Variants in COL8A1 observed in about 807,000 individuals in gnomAD.
The protein encoded by COL8A1 is collagen type VIII alpha 1 chain, also known as collagen alpha-1(VIII) chain.
In COL8A1, 21 loss-of-function variants were observed where a neutral mutation model predicts 42.7. That is an observed-to-expected ratio of 0.49 (90% CI 0.35 to 0.71). The LOEUF is 0.71. COL8A1 is among the 30% of genes least tolerant of loss of function. The pLI is 0.01. For synonymous variants in COL8A1, 367 were observed against 369.1 expected, an observed-to-expected ratio of 0.99 and a Z score of 0.06; for missense variants, 788 against 962.4, an observed-to-expected ratio of 0.82 and a Z score of 2.40.
At chr3:99,777,549 T>G (rs1348679754) in intron 2 of COL8A1, among the ~76,000 whole-genome samples, 1 of 152,206 alleles carries the variant, frequency 6.6e-6, no homozygotes, top group African/African-American at 2.4e-5. Context: ...TTCTGGTATT[T>G]AAAGGAATAC....
rs1576467519 is a variant in COL8A1, at chr3:99,763,550, A to G, written c.-4+18529A>G. The stretch of plus-strand genomic sequence containing the variant: ...TGCATATACTTATTTAATCTGCATT[A>G]AAGTCCTATGAGGTCGGTATTATTA... On this transcript the variant is annotated intron_variant, in intron 2 of 3. Coordinates refer to ENST00000652472, the MANE Select transcript of COL8A1 (RefSeq NM_020351.4). Among the ~76,000 whole-genome samples, 4 of 152,312 alleles carry G rather than the reference A, an allele frequency of 2.6e-5. No individual in the cohort carries two copies. The South Asian group carries it at 6.2e-4, about 24-fold the overall frequency.
intron 1 of COL8A1, among the ~76,000 whole-genome samples, chr3:99,682,338 G>T (rs750859545): frequency 6.6e-6 from 1 of 152,102 alleles, no homozygotes; most frequent in Non-Finnish European, 1.5e-5. Context: ...AATGGCTTGA[G>T]CCCTGGGTGG....
At chr3:99,687,002 C>T (rs185725352) in intron 1 of COL8A1, among the ~76,000 whole-genome samples, 54 of 152,292 alleles carry the variant, frequency 3.5e-4, no homozygotes, top group African/African-American at 1.1e-3. Flanking sequence ...GCCATTACAC[C>T]CAGCCAATTT....
chr3:99,786,640 T>C (rs1941902203), intron 2 of COL8A1, among the ~76,000 whole-genome samples: 1 of 152,202 alleles, frequency 6.6e-6, no homozygotes, highest in Non-Finnish European at 1.5e-5. Context: ...TCTCAAATTA[T>C]AAAATGTATT....
intron 1 of COL8A1, among the ~76,000 whole-genome samples, chr3:99,709,498 A>C (rs1252151839): frequency 6.6e-6 from 1 of 152,172 alleles, no homozygotes; most frequent in Non-Finnish European, 1.5e-5. Context: ...GTGCTCAATA[A>C]ATATTTATTG....
At chr3:99,645,235 G>A (rs977168077) in intron 1 of COL8A1, among the ~76,000 whole-genome samples, 8 of 152,156 alleles carry the variant, frequency 5.3e-5, no homozygotes, top group African/African-American at 1.9e-4. Context: ...CAGTCTTAAA[G>A]TCCAGGAGTC....
chr3:99,736,038 CTCT>C (rs1293999923), intron 1 of COL8A1, among the ~76,000 whole-genome samples: 1 of 114,924 alleles, frequency 8.7e-6, no homozygotes, highest in African/African-American at 3.2e-5. Context: ...TGATTCTTCT[CTCT>C]TTTTTTCTTT....
At chr3:99,757,008 G>C (rs913214182) in intron 2 of COL8A1, among the ~76,000 whole-genome samples, 5 of 152,108 alleles carry the variant, frequency 3.3e-5, no homozygotes, top group Admixed American at 3.3e-4. Context: ...CATTTTTGTA[G>C]ATGAAGAAGA....
At chr3:99,741,760 A>C (rs930150811) in intron 1 of COL8A1, among the ~76,000 whole-genome samples, 1 of 152,200 alleles carries the variant, frequency 6.6e-6, no homozygotes, top group Admixed American at 6.5e-5. Context: ...CCAGCAAAAA[A>C]GGTCAGCCTC....
chr3:99,781,401 G>A (rs2107447576), intron 2 of COL8A1, among the ~76,000 whole-genome samples: 1 of 152,230 alleles, frequency 6.6e-6, no homozygotes, highest in African/African-American at 2.4e-5. Context: ...TTCTCCCCAT[G>A]TAAGATAGAA....
At position 99,797,962 on chromosome 3, in the gene COL8A1, G is replaced by A. The variant is rs890342243; in HGVS notation, c.*1826G>A. ...TCGAGCCTGCTATTAGCCTGCTGCTGACTCTATCACTTGGAGCAATAATGT... is the reference window on the plus strand; with the variant it reads ...TCGAGCCTGCTATTAGCCTGCTGCTAACTCTATCACTTGGAGCAATAATGT... On this transcript the variant is annotated 3_prime_UTR_variant, in exon 4 of 4. Transcript: ENST00000652472. The A allele has an allele frequency of 5.3e-5, 8 of 152,320 alleles. No homozygotes were observed. In the East Asian group the frequency reaches 1.2e-3, roughly 22 times the overall value. The allele number at this position is 152,320 out of a possible 1,614,324, so 9.4% of individuals were successfully genotyped here.
intron 1 of COL8A1, among the ~76,000 whole-genome samples, chr3:99,655,257 T>C (rs777670754): frequency 1.3e-5 from 2 of 152,166 alleles, no homozygotes; most frequent in Non-Finnish European, 2.9e-5. Flanking sequence ...GGATAACTAA[T>C]TCAAGACCCA....
chr3:99,732,984 A>G (rs1257414870), intron 1 of COL8A1, among the ~76,000 whole-genome samples: 2 of 152,088 alleles, frequency 1.3e-5, no homozygotes, highest in Non-Finnish European at 1.5e-5. Context: ...GCCAAATATT[A>G]AAGCTCCAGA....
At chr3:99,708,873 T>C (rs1290124751) in intron 1 of COL8A1, among the ~76,000 whole-genome samples, 1 of 152,154 alleles carries the variant, frequency 6.6e-6, no homozygotes, top group Non-Finnish European at 1.5e-5. Context: ...TTTTTTTCTT[T>C]CCTTTTTGGT....
chr3:99,681,740 G>A (rs1199943192), intron 1 of COL8A1, among the ~76,000 whole-genome samples: 1 of 152,196 alleles, frequency 6.6e-6, no homozygotes. Context: ...ACCACTTTAA[G>A]ACTAAGACAG....
In COL8A1 at chr3:99,795,510, G is replaced by A; in HGVS notation, c.1609G>A (p.Val537Met). The change falls in exon 4 of 4, where the codon GTG (valine) becomes ATG (methionine). Residue 537 changes from valine (V) to methionine (M), a missense_variant. Physicochemically the swap from Val to Met is conservative, Grantham distance 21. Transcript: ENST00000652472. ...GTTCCCTGGTATAGGGAAACCCGGAGTGGCAGGACTTCATGGCCCCCCAGG... is the reference window on the plus strand; with the variant it reads ...GTTCCCTGGTATAGGGAAACCCGGAATGGCAGGACTTCATGGCCCCCCAGG... ...PGFPGIGKPG[V>M]AGLHGPPGKP... The A allele has an allele frequency of 1.3e-6, 2 of 1,591,312 alleles. No individual in the cohort carries two copies. The highest frequency in any genetic ancestry group is 2.3e-5 in the East Asian group (1 of 43,666).
chr3:99,686,625 A>G (rs1559778781), intron 1 of COL8A1, among the ~76,000 whole-genome samples: 1 of 152,224 alleles, frequency 6.6e-6, no homozygotes, highest in African/African-American at 2.4e-5. Context: ...CACTCCTGCT[A>G]TAAGTGCTCA....
chr3:99,787,755 A>T (rs1941921993), intron 2 of COL8A1, among the ~76,000 whole-genome samples: 1 of 152,192 alleles, frequency 6.6e-6, no homozygotes, highest in Admixed American at 6.5e-5. Flanking sequence ...CTTCTTTGAC[A>T]GTGCTTTTGT....
At chr3:99,739,654 G>C (rs182202939) in intron 1 of COL8A1, among the ~76,000 whole-genome samples, 138 of 152,330 alleles carry the variant, frequency 9.1e-4, no homozygotes, top group African/African-American at 3.0e-3. Context: ...GCCCCTTTCA[G>C]CCATAGCTGG....
Sources: gnomAD v4.1 joint callset for allele counts (sites outside exome capture counted in the v4.1 genomes callset) on GRCh38, gnomAD v4.1.1 for gene constraint, MANE v1.5 for transcripts, NCBI Gene and HGNC (gene_info 2026-07-23, HGNC 2026-07-21) for gene names.